The following ALK variants were observed in gnomAD, a reference collection of about 807,000 sequenced individuals.
The protein encoded by ALK is ALK tyrosine kinase receptor.
Under a neutral mutation model 163.1 loss-of-function variants are expected in ALK, and 74 were observed. That is an observed-to-expected ratio of 0.45 (90% CI 0.38 to 0.55). The LOEUF is 0.55. Ranked by LOEUF, ALK falls within the 20% of genes least tolerant of loss-of-function variation. ALK has a pLI of 0.00. For missense variants in ALK, 2,063 were observed against 2,105.3 expected, an observed-to-expected ratio of 0.98 and a Z score of 0.39; for synonymous variants, 960 against 843.2, an observed-to-expected ratio of 1.14 and a Z score of -2.40.
intron 1 of ALK, among the ~76,000 whole-genome samples, chr2:29,871,185 C>A (rs894172239): frequency 3.9e-5 from 6 of 152,114 alleles, no homozygotes; most frequent in Admixed American, 3.3e-4. Flanking sequence ...GAGGAGAGAT[C>A]CCTGGTGACA....
chr2:29,866,257 A>C (rs1160780971), intron 1 of ALK, among the ~76,000 whole-genome samples: 1 of 152,106 alleles, frequency 6.6e-6, no homozygotes, highest in African/African-American at 2.4e-5. Context: ...CTTCTGCCAC[A>C]TCCTTTCTCA....
intron 11 of ALK, among the ~76,000 whole-genome samples, chr2:29,263,146 C>T (rs2148206716): frequency 6.6e-6 from 1 of 152,344 alleles, no homozygotes; most frequent in South Asian, 2.1e-4. Flanking sequence ...AATACCAGCT[C>T]TGCCACACTC....
intron 1 of ALK, among the ~76,000 whole-genome samples, chr2:29,814,427 G>C (rs1026124754): frequency 4.6e-5 from 7 of 151,852 alleles, no homozygotes; most frequent in Non-Finnish European, 1.0e-4. Flanking sequence ...TTGGGAGGCC[G>C]AGGCGGGCGG....
At chr2:29,289,919 G>T (rs1375910059) in intron 9 of ALK, among the ~76,000 whole-genome samples, 1 of 152,204 alleles carries the variant, frequency 6.6e-6, no homozygotes, top group African/African-American at 2.4e-5. Flanking sequence ...TTCTGCTCCA[G>T]CTCCCAGGAC....
At position 29,563,969 on chromosome 2, in the gene ALK, C is replaced by T. The variant is rs529733589; in HGVS notation, c.953-31853G>A. On this transcript the variant is annotated intron_variant, in intron 3 of 28. Transcript: ENST00000389048. ...TCACCTGCCACCTCCTAACCTCAGCCGCCTCCTTTTTCCCCCTTCCCAATA... is the reference window on the plus strand; with the variant it reads ...TCACCTGCCACCTCCTAACCTCAGCTGCCTCCTTTTTCCCCCTTCCCAATA... Among the ~76,000 whole-genome samples, 8 of 152,270 alleles carry T rather than the reference C, an allele frequency of 5.3e-5. No individual in the cohort carries two copies. In the East Asian group the frequency reaches 7.7e-4, roughly 15 times the overall value.
intron 4 of ALK, among the ~76,000 whole-genome samples, chr2:29,415,266 C>T (rs538712151): frequency 7.9e-5 from 12 of 151,754 alleles, no homozygotes; most frequent in East Asian, 1.9e-4. Context: ...ACTATCTTCA[C>T]GATCTTCCAA....
intron 3 of ALK, among the ~76,000 whole-genome samples, chr2:29,691,202 C>CT (rs989123539): frequency 1.2e-4 from 19 of 152,230 alleles, no homozygotes; most frequent in African/African-American, 4.3e-4. Context: ...CCAAACACCT[C>CT]TCAGTGCCAT....
intron 3 of ALK, among the ~76,000 whole-genome samples, chr2:29,546,831 C>CTTT (rs1673567834): frequency 6.6e-6 from 1 of 152,162 alleles, no homozygotes; most frequent in African/African-American, 2.4e-5. Context: ...GCAGGAGTCT[C>CTTT]ATAAAATCTC....
rs376387781 is a variant in ALK at position 29,833,115 on chromosome 2, C to T, written c.667+86878G>A. On this transcript the variant is annotated intron_variant, in intron 1 of 28. Transcript: ENST00000389048. ...GAGGGCTGTCAGGGGACAAGACCTC[C>T]GGACTCCGGCCACATAGAGCCCTCA... Among the ~76,000 whole-genome samples, 44 of 152,292 alleles carry T rather than the reference C, an allele frequency of 2.9e-4. No individual in the cohort carries two copies. In the South Asian group the frequency reaches 6.9e-3, roughly 24 times the overall value.
intron 1 of ALK, among the ~76,000 whole-genome samples, chr2:29,904,689 A>G (rs1432553847): frequency 2.6e-5 from 4 of 152,220 alleles, no homozygotes; most frequent in Admixed American, 6.5e-5. Context: ...AACTATTTTC[A>G]TATTAGCTTA....
chr2:29,320,781 G>C lies in ALK; in HGVS notation c.1516C>G (p.Leu506Val), dbSNP rs765773161. ...TGGTCCTGGAACCGGGCATCCTTTA[G>C]GGTCCTGACCTGCCATTGAGGAGTG... ...PHTPQWQVRT[L>V]KDARFQDHQD... is the part of the protein sequence containing the mutation. The change falls in exon 7 of 29, where the codon CTA (leucine) becomes GTA (valine). Residue 506 changes from leucine (L) to valine (V), a missense_variant. Coordinates refer to ENST00000389048, the MANE Select transcript of ALK (RefSeq NM_004304.5). 1.1e-5 allele frequency: 17 copies of C among 1,613,946 alleles called. No homozygotes were observed. Among genetic ancestry groups the C allele is most frequent in the Non-Finnish European group, 1.4e-5 (16 of 1,180,016 alleles).
At chr2:29,894,378 C>A (rs1177567975) in intron 1 of ALK, among the ~76,000 whole-genome samples, 2 of 152,114 alleles carry the variant, frequency 1.3e-5, no homozygotes. Context: ...GGGCAAGGGA[C>A]AACCTCTCTA....
chr2:29,530,241 C>T (rs896479499), intron 4 of ALK, among the ~76,000 whole-genome samples: 1 of 152,094 alleles, frequency 6.6e-6, no homozygotes, highest in Admixed American at 6.5e-5. Context: ...AATTGACTTC[C>T]TATATGAGCA....
rs188796489 is a variant in ALK at position 29,861,948 on chromosome 2, C to T, written c.667+58045G>A. The stretch of plus-strand genomic sequence containing the variant: ...TTCACCACGATCAAGTGGGATTAAT[C>T]CCTCGGATGCAAGGATGGCTCAAAA... On this transcript the variant is annotated intron_variant, in intron 1 of 28. Coordinates refer to ENST00000389048, the MANE Select transcript of ALK (RefSeq NM_004304.5). Among the ~76,000 whole-genome samples, 498 of 152,208 alleles carry T rather than the reference C, an allele frequency of 3.3e-3. 1 individual carries two copies. The highest frequency in any genetic ancestry group is 0.011 in the African/African-American group (460 of 41,538).
At chr2:29,726,059 C>T (rs1293962950) in intron 1 of ALK, among the ~76,000 whole-genome samples, 1 of 152,188 alleles carries the variant, frequency 6.6e-6, no homozygotes, top group East Asian at 1.9e-4. Context: ...TGGACTCACA[C>T]TGGCTTTTGG....
chr2:29,823,173 C>A (rs1474615285), intron 1 of ALK, among the ~76,000 whole-genome samples: 3 of 152,150 alleles, frequency 2.0e-5, no homozygotes, highest in Non-Finnish European at 4.4e-5. Context: ...CTGCTGCCAC[C>A]CATGTAAGAC....
intron 1 of ALK, among the ~76,000 whole-genome samples, chr2:29,768,743 G>GTATATA (rs1553359152): frequency 0.017 from 2,578 of 150,642 alleles, 48 homozygotes; most frequent in African/African-American, 0.041. Context: ...GTGTGTGTGT[G>GTATATA]TATATATGTA....
chr2:29,340,656 A>G (rs543633664), intron 5 of ALK, among the ~76,000 whole-genome samples: 1 of 152,340 alleles, frequency 6.6e-6, no homozygotes, highest in South Asian at 2.1e-4. Context: ...AGGCTTTATG[A>G]GCGTTATTTT....
chr2:29,753,756 A>G (rs992375743), intron 1 of ALK, among the ~76,000 whole-genome samples: 1 of 152,234 alleles, frequency 6.6e-6, no homozygotes, highest in African/African-American at 2.4e-5. Flanking sequence ...CGGCTGAACC[A>G]TAACTGAATG....
Sources: gnomAD v4.1 joint callset for allele counts (sites outside exome capture counted in the v4.1 genomes callset) on GRCh38, gnomAD v4.1.1 for gene constraint, MANE v1.5 for transcripts, NCBI Gene and HGNC (gene_info 2026-07-23, HGNC 2026-07-21) for gene names.